Variants in LGALS8 observed in about 807,000 individuals in gnomAD.
The protein encoded by LGALS8 is galectin-8.
Under a neutral mutation model 35.9 loss-of-function variants are expected in LGALS8, and 30 were observed. The observed-to-expected ratio is 0.83, with a 90% CI of 0.62 to 1.13. The LOEUF is 1.13. LGALS8 is among the 50% of genes most tolerant of loss of function. The pLI is 0.00. For synonymous variants in LGALS8, 138 were observed against 136.1 expected, an observed-to-expected ratio of 1.01 and a Z score of -0.10; for missense variants, 366 against 388.7, an observed-to-expected ratio of 0.94 and a Z score of 0.49.
At chr1:236,520,858 T>G (rs1460351809), upstream of LGALS8, among the ~76,000 whole-genome samples, 1 of 152,230 alleles carries the variant, frequency 6.6e-6, no homozygotes, top group Non-Finnish European at 1.5e-5. Context: ...ACACATTTAA[T>G]GCATTCTCAA....
In LGALS8 at chr1:236,542,748, T is replaced by G. The variant is rs76304432; in HGVS notation, c.523-13T>G. On this transcript the variant is annotated splice_polypyrimidine_tract_variant and intron_variant, in intron 6 of 9. Coordinates refer to ENST00000366584, the MANE Select transcript of LGALS8 (RefSeq NM_201544.4). ...CCTTCTAACATTGTTGTGTTTTGTT[T>G]CTTTTCCAATAGGTTCCAAAGTCTG... 2.8e-3 allele frequency: 4,451 copies of G among 1,613,860 alleles called. 105 individuals carry two copies. In the African/African-American group the frequency reaches 0.054, roughly 20 times the overall value.
intron 2 of LGALS8, among the ~76,000 whole-genome samples, chr1:236,533,176 C>T (rs559227803): frequency 6.6e-6 from 1 of 152,180 alleles, no homozygotes; most frequent in African/African-American, 2.4e-5. Flanking sequence ...GAAGATGGGT[C>T]TTGTCTTTTC....
intron 2 of LGALS8, among the ~76,000 whole-genome samples, chr1:236,535,455 A>T (rs1661426103): frequency 6.6e-6 from 1 of 152,196 alleles, no homozygotes; most frequent in Non-Finnish European, 1.5e-5. Context: ...ATGGCTCTAT[A>T]GATTACTTTC....
chr1:236,551,654 G>A lies in LGALS8; in HGVS notation c.*3493G>A, dbSNP rs1662751464. 2 of 186,420 alleles carry A rather than the reference G, an allele frequency of 1.1e-5. No homozygotes were observed. Among genetic ancestry groups the A allele is most frequent in the African/African-American group, 4.7e-5 (2 of 42,414 alleles). 11.5% of individuals were successfully genotyped at this position (186,420 alleles called of 1,614,324 possible). On this transcript the variant is annotated 3_prime_UTR_variant, in exon 10 of 10. Transcript: ENST00000366584. ...CCACTAGGCATTTCCATACAATCTGGGGACCAAAACTTCAATCATATAAAT... is the reference window on the plus strand; with the variant it reads ...CCACTAGGCATTTCCATACAATCTGAGGACCAAAACTTCAATCATATAAAT...
chr1:236,531,186 T>C (rs1661119836), intron 2 of LGALS8, among the ~76,000 whole-genome samples: 1 of 152,234 alleles, frequency 6.6e-6, no homozygotes, highest in South Asian at 2.1e-4. Flanking sequence ...TTTGCGATTA[T>C]ATCCGGTGCT....
upstream of LGALS8, among the ~76,000 whole-genome samples, chr1:236,520,783 T>G (rs1660528021): frequency 6.6e-6 from 1 of 152,216 alleles, no homozygotes; most frequent in Non-Finnish European, 1.5e-5. Flanking sequence ...CCATCCAATC[T>G]CATGATGTCA....
chr1:236,545,287 C>A (rs1662294041), intron 9 of LGALS8: 1 of 101,512 alleles, frequency 9.9e-6, no homozygotes, highest in East Asian at 2.3e-4. Context: ...CATCATCTCC[C>A]ATCAGGGTAG....
At chr1:236,519,583 G>A (rs778069851), upstream of LGALS8, among the ~76,000 whole-genome samples, 7 of 152,108 alleles carry the variant, frequency 4.6e-5, no homozygotes, top group Non-Finnish European at 7.3e-5. Flanking sequence ...ACTGGTTTTC[G>A]CAACTTTTAT....
chr1:236,534,048 A>C (rs1185291132), intron 2 of LGALS8, among the ~76,000 whole-genome samples: 2 of 152,158 alleles, frequency 1.3e-5, no homozygotes, highest in Non-Finnish European at 2.9e-5. Context: ...CCCTTGCCAG[A>C]GTGAATACTG....
Position 236,540,566 on chromosome 1 carries a change from G to C in LGALS8, c.348G>C (p.Val116=). 6.2e-7 allele frequency: 1 copy of C among 1,600,140 alleles called. No individual in the cohort carries two copies. The highest frequency in any genetic ancestry group is 8.5e-7 in the Non-Finnish European group (1 of 1,173,712). ...CTCTGTCTTCTGTATCTCTCTAGGT[G>C]GCTGTAAATGGAAAACATACTCTGC... ...VIMVLKDKFQ[V]AVNGKHTLLY... is the part of the protein sequence containing the mutation. Residue 116 remains valine (V), a splice_region_variant and synonymous_variant, in exon 5 of 10, where the codon GTG becomes GTC. Transcript: ENST00000366584.
At chr1:236,530,864 A>AT (rs1375771621) in intron 2 of LGALS8, among the ~76,000 whole-genome samples, 1 of 152,238 alleles carries the variant, frequency 6.6e-6, no homozygotes, top group Non-Finnish European at 1.5e-5. Context: ...TCAGTGAAAC[A>AT]TGCATTTTCC....
upstream of LGALS8, among the ~76,000 whole-genome samples, chr1:236,519,948 A>ATTTT (rs35589317): frequency 1.8e-5 from 2 of 109,442 alleles, no homozygotes; most frequent in African/African-American, 3.9e-5. Flanking sequence ...GTTTTGTACA[A>ATTTT]TTTTTTTTTT....
intron 8 of LGALS8, 118 bp from the exon 9 acceptor site, chr1:236,544,632 C>T (rs750876422): frequency 6.8e-5 from 45 of 662,958 alleles, no homozygotes; most frequent in East Asian, 1.1e-4. Flanking sequence ...CATGTGGATA[C>T]GTGTGTTTCA....
At position 236,549,609 on chromosome 1, in the gene LGALS8, A is replaced by G. The variant is rs765883812; in HGVS notation, c.*1448A>G. 2.0e-5 allele frequency: 3 copies of G among 152,142 alleles called. No individual in the cohort carries two copies. The highest frequency in any genetic ancestry group is 2.9e-5 in the Non-Finnish European group (2 of 68,014). 9.4% of individuals were successfully genotyped at this position (152,142 alleles called of 1,614,324 possible). ...TTCATATTAATGTATGCAGAGTCTC[A>G]CCAAGCTCAAAGACACTGGTTGGGG... On this transcript the variant is annotated 3_prime_UTR_variant, in exon 10 of 10. Coordinates refer to ENST00000366584, the MANE Select transcript of LGALS8 (RefSeq NM_201544.4).
chr1:236,537,435 G>A, intron 2 of LGALS8, 62 bp from the exon 3 acceptor site: 2 of 978,332 alleles, frequency 2.0e-6, no homozygotes, highest in Non-Finnish European at 3.3e-6. Flanking sequence ...AGTGTGGGTT[G>A]TAATTGCTTA....
chr1:236,544,634 T>A, intron 8 of LGALS8, 116 bp from the exon 9 acceptor site: 2 of 683,646 alleles, frequency 2.9e-6, no homozygotes, highest in Non-Finnish European at 4.6e-6. Flanking sequence ...TGTGGATACG[T>A]GTGTTTCATA....
chr1:236,534,332 C>G (rs1249654276), intron 2 of LGALS8, among the ~76,000 whole-genome samples: 2 of 152,140 alleles, frequency 1.3e-5, no homozygotes, highest in East Asian at 3.9e-4. Flanking sequence ...TAATAGAGAG[C>G]CTTGCATTTA....
At chr1:236,536,256 TTGAG>T (rs1661495348) in intron 2 of LGALS8, 1 of 152,292 alleles carries the variant, frequency 6.6e-6, no homozygotes, top group South Asian at 2.1e-4. Context: ...ACATCGTAAT[TTGAG>T]TGAGCTTAGT....
At chr1:236,524,291 G>A (rs1329494132) in intron 1 of LGALS8, 4 of 456,670 alleles carry the variant, frequency 8.8e-6, no homozygotes, top group South Asian at 6.2e-5. Flanking sequence ...GGGGCATAAG[G>A]GATTATCAGG....
Sources: gnomAD v4.1 joint callset for allele counts (sites outside exome capture counted in the v4.1 genomes callset) on GRCh38, gnomAD v4.1.1 for gene constraint, MANE v1.5 for transcripts, NCBI Gene and HGNC (gene_info 2026-07-23, HGNC 2026-07-21) for gene names.